WDR86: variants seen among roughly 807,000 people sequenced by gnomAD.
The protein encoded by WDR86 is WD repeat domain 86, also known as WD repeat-containing protein 86.
A neutral mutation model predicts 36.5 loss-of-function variants in WDR86; 30 were observed. The ratio of observed to expected loss-of-function variants is 0.82; its 90% CI spans 0.61 to 1.11. The LOEUF is 1.11. Ranked by LOEUF, WDR86 falls within the 50% of genes most tolerant of loss-of-function variation. The probability of loss-of-function intolerance (pLI) is 0.00; values close to 1 mark genes in which losing one functional copy is unlikely to be tolerated. For synonymous variants in WDR86, 255 were observed against 252.9 expected (o/e 1.01, Z -0.08); for missense variants, 545 against 561.2 (o/e 0.97, Z 0.29).
downstream of WDR86, among the ~76,000 whole-genome samples, chr7:151,379,530 G>A (rs1798456977): frequency 6.6e-6 from 1 of 152,132 alleles, no homozygotes; most frequent in East Asian, 1.9e-4. Context: ...AACCAGGCCT[G>A]GGTTCAGGGG....
At chr7:151,389,012 C>T (rs1369837773) in intron 3 of WDR86, among the ~76,000 whole-genome samples, 7 of 151,994 alleles carry the variant, frequency 4.6e-5, no homozygotes, top group East Asian at 3.9e-4. Flanking sequence ...AACGTGCTGG[C>T]GCCTAGACCT....
chr7:151,409,548 G>A lies in WDR86; in HGVS notation c.42C>T (p.His14=), dbSNP rs772193628. Reference sequence around the variant, plus strand: ...GGCTCAGCCAGTTGATGCCCCCGCGGTGGTCGGCGCAGACCCTCAGGGCCG... The same window carrying A: ...GGCTCAGCCAGTTGATGCCCCCGCGATGGTCGGCGCAGACCCTCAGGGCCG... ...GGSALRVCAD[H]RGGINWLSLS... Residue 14 remains histidine (H), a synonymous_variant, in exon 1 of 6, where the codon CAC becomes CAT. Transcript: ENST00000334493. This position sits in a 1 kb window ranked among gnomAD's most constrained non-coding sequence, Gnocchi z 5.2. The A allele has an allele frequency of 1.3e-6, 2 of 1,516,706 alleles. No individual in the cohort carries two copies. The highest frequency in any genetic ancestry group is 1.2e-5 in the South Asian group (1 of 80,844). The allele number at this position is 1,516,706 out of a possible 1,614,324, so 94.0% of individuals were successfully genotyped here. A position where few individuals can be genotyped will look rare whatever the true frequency, so the allele number is the denominator to read the frequency against.
chr7:151,393,179 C>T lies in WDR86; in HGVS notation c.726+2597G>A, dbSNP rs118165048. 4.4e-3 allele frequency among the ~76,000 whole-genome samples: 666 copies of T among 152,318 alleles called. 3 individuals carry two copies. The highest frequency in any genetic ancestry group is 0.014 in the Middle Eastern group (4 of 294). ...ATGTTTGTGGGCATGCATGTACGTG[C>T]GTGGCTTGTCTGTGTTCACACGTGT... On this transcript the variant is annotated intron_variant, in intron 3 of 5. Coordinates refer to ENST00000334493, the MANE Select transcript of WDR86 (RefSeq NM_198285.3).
rs748656820 is a variant in WDR86, at chr7:151,381,437, C to G, written c.*145G>C. On this transcript the variant is annotated 3_prime_UTR_variant, in exon 6 of 6. Transcript: ENST00000334493. The surrounding 1 kb of genome is among the most constrained non-coding windows in gnomAD (Gnocchi z 4.8). ...TCCTGGCCACCAAAGAAAAACCAGA[C>G]GCCTGCGACGGGCTCTCCTCCCGCC... is the stretch of plus-strand genomic sequence containing the variant. The G allele has an allele frequency of 6.7e-7, 1 of 1,491,698 alleles. No individual in the cohort carries two copies. Among genetic ancestry groups the G allele is most frequent in the Non-Finnish European group, 8.9e-7 (1 of 1,128,608 alleles). The allele number at this position is 1,491,698 out of a possible 1,614,324, so 92.4% of individuals were successfully genotyped here.
downstream of WDR86, among the ~76,000 whole-genome samples, chr7:151,372,049 A>G (rs1379331134): frequency 6.6e-6 from 1 of 152,194 alleles, no homozygotes; most frequent in African/African-American, 2.4e-5. Flanking sequence ...TTTGTGCAAT[A>G]TGGCCCTGAG....
intron 3 of WDR86, among the ~76,000 whole-genome samples, chr7:151,389,914 G>A (rs140713031): frequency 8.7e-4 from 132 of 152,332 alleles, no homozygotes; most frequent in African/African-American, 2.8e-3. Flanking sequence ...TTTCTGGGTT[G>A]GGGTGGAGAA....
At chr7:151,399,845 C>T (rs1800152129) in intron 2 of WDR86, among the ~76,000 whole-genome samples, 1 of 152,246 alleles carries the variant, frequency 6.6e-6, no homozygotes, top group African/African-American at 2.4e-5. Flanking sequence ...ACTGTGCCCC[C>T]AAGGGGGAAG....
chr7:151,385,323 G>T, intron 3 of WDR86, 100 bp from the exon 4 acceptor site: 1 of 1,544,256 alleles, frequency 6.5e-7, no homozygotes, highest in Non-Finnish European at 8.7e-7. Flanking sequence ...AGGTCTCAGT[G>T]GTGAAACCAT....
intron 2 of WDR86, 126 bp from the exon 3 acceptor site, chr7:151,396,322 A>G: frequency 8.9e-7 from 1 of 1,125,164 alleles, no homozygotes; most frequent in African/African-American, 1.5e-5. Context: ...CCAGCTTGCC[A>G]CACTCGTCTT....
rs1308365294 is a variant in WDR86, at chr7:151,409,449, G to A, written c.141C>T (p.Gly47=). 8.4e-6 allele frequency: 13 copies of A among 1,545,152 alleles called. No homozygotes were observed. Among genetic ancestry groups the A allele is most frequent in the Non-Finnish European group, 1.1e-5 (13 of 1,150,736 alleles). The stretch of plus-strand genomic sequence containing the variant: ...TACCTTGCAGGAGCGCGCAGCACTG[G>A]CCGTCCGCGGTGCTCCAGAGCCGGG... ...GTARLWSTAD[G]QCCALLQGHE... is the part of the protein sequence containing the mutation. The change falls in exon 1 of 6, where the codon GGC becomes GGT. Residue 47 remains glycine, a synonymous_variant. Coordinates refer to ENST00000334493, the MANE Select transcript of WDR86 (RefSeq NM_198285.3). This position sits in a 1 kb window ranked among gnomAD's most constrained non-coding sequence, Gnocchi z 5.2.
downstream of WDR86, chr7:151,377,160 G>A: frequency 6.3e-7 from 1 of 1,590,306 alleles, no homozygotes; most frequent in Non-Finnish European, 8.6e-7. Flanking sequence ...GGAAGATGAA[G>A]AAATTATTAT....
At chr7:151,373,911 ACC>A (rs140946872), downstream of WDR86, among the ~76,000 whole-genome samples, 1,462 of 151,886 alleles carry the variant, frequency 9.6e-3, 26 homozygotes, top group African/African-American at 0.033. Flanking sequence ...CACTTCCACC[ACC>A]CCTCTGCCTC....
In WDR86 at chr7:151,388,642, A is replaced by C. The variant is rs572778322; in HGVS notation, c.727-3419T>G. On this transcript the variant is annotated intron_variant, in intron 3 of 5. Coordinates refer to ENST00000334493, the MANE Select transcript of WDR86 (RefSeq NM_198285.3). This position sits in a 1 kb window ranked among gnomAD's most constrained non-coding sequence, Gnocchi z 4.2. ...GCTCAGCCCTGCATGCAGTCCTGTA[A>C]AAGGCGAGGGAGGCAGAGGCCCCTC... is the stretch of plus-strand genomic sequence containing the variant. Among the ~76,000 whole-genome samples the C allele has an allele frequency of 1.3e-5, 2 of 152,224 alleles. No homozygotes were observed. Among genetic ancestry groups the C allele is most frequent in the African/African-American group, 4.8e-5 (2 of 41,546 alleles).
chr7:151,386,657 G>A (rs932948971), intron 3 of WDR86, among the ~76,000 whole-genome samples: 1 of 152,138 alleles, frequency 6.6e-6, no homozygotes, highest in East Asian at 1.9e-4. Flanking sequence ...CCAGTAATGC[G>A]GGCACCAGCA....
At position 151,409,467 on chromosome 7, in the gene WDR86, G is replaced by C. The variant is rs963087400; in HGVS notation, c.123C>G (p.Leu41=). Residue 41 remains leucine, a synonymous_variant, in exon 1 of 6, where the codon CTC becomes CTG. Transcript: ENST00000334493. This position sits in a 1 kb window ranked among gnomAD's most constrained non-coding sequence, Gnocchi z 5.2. ...LTGSEDGTAR[L]WSTADGQCCA... ...AGCACTGGCCGTCCGCGGTGCTCCAGAGCCGGGCCGTGCCGTCCTCGCTGC... is the reference window on the plus strand; with the variant it reads ...AGCACTGGCCGTCCGCGGTGCTCCACAGCCGGGCCGTGCCGTCCTCGCTGC... 21 of 1,538,888 alleles carry C rather than the reference G, an allele frequency of 1.4e-5. No homozygotes were observed. In the African/African-American group the frequency reaches 2.6e-4, roughly 19 times the overall value.
rs139360421 is a variant in WDR86, at chr7:151,404,566, C to T, written c.164-4325G>A. Among the ~76,000 whole-genome samples the T allele has an allele frequency of 4.1e-3, 625 of 152,330 alleles. 7 individuals are homozygous for T. The highest frequency in any genetic ancestry group is 0.014 in the African/African-American group (601 of 41,570). ...GCCACCCCTGGAGCTGAGGCCCCCA[C>T]CCCAACCCCGAGGACCCTAGGACAG... On this transcript the variant is annotated intron_variant, in intron 1 of 5. Coordinates refer to ENST00000334493, the MANE Select transcript of WDR86 (RefSeq NM_198285.3).
chr7:151,380,090 A>T (rs1159783493), downstream of WDR86, among the ~76,000 whole-genome samples: 1 of 152,140 alleles, frequency 6.6e-6, no homozygotes, highest in Non-Finnish European at 1.5e-5. Context: ...CTTAAGTCTC[A>T]CCCGGAGAAC....
At chr7:151,391,503 CCA>C (rs1415326229) in intron 3 of WDR86, among the ~76,000 whole-genome samples, 1 of 152,184 alleles carries the variant, frequency 6.6e-6, no homozygotes, top group African/African-American at 2.4e-5. Flanking sequence ...GCATGGCCCC[CCA>C]CACGCAGCTG....
chr7:151,369,649 A>G, the WDR86 span, among the ~76,000 whole-genome samples: 2 of 152,334 alleles, frequency 1.3e-5, no homozygotes, highest in Admixed American at 1.3e-4. Flanking sequence ...TATGTTCTGC[A>G]GTGAAAGAAC....
Sources: gnomAD v4.1 joint callset for allele counts (sites outside exome capture counted in the v4.1 genomes callset) on GRCh38, gnomAD v4.1.1 for gene constraint, Gnocchi (gnomAD v3.1) non-coding constraint, MANE v1.5 for transcripts, NCBI Gene and HGNC (gene_info 2026-07-23, HGNC 2026-07-21) for gene names.